Variants in IST1 observed in about 807,000 individuals in gnomAD.
IST1 encodes the protein IST1 homolog.
Under a neutral mutation model 37.0 loss-of-function variants are expected in IST1, and 23 were observed. That is an observed-to-expected ratio of 0.62 (90% CI 0.45 to 0.88). The LOEUF is 0.88. Among genes scored for constraint, IST1 ranks in the 40% least tolerant of loss-of-function variants. The probability of loss-of-function intolerance (pLI) is 0.00; values close to 1 mark genes in which losing one functional copy is unlikely to be tolerated. For synonymous variants in IST1, 180 were observed against 161.7 expected (o/e 1.11, Z -0.86); for missense variants, 488 against 445.4 (o/e 1.10, Z -0.86).
Position 71,916,441 on chromosome 16 carries a change from G to T in IST1, c.89-21G>T, listed in dbSNP as rs201789226. The stretch of plus-strand genomic sequence containing the variant: ...GCAAGTGCTCTACTGCTGTGAGATC[G>T]GAGTGGGATTTGTGTCTTAGCGGAA... On this transcript the variant is annotated intron_variant, in intron 2 of 9. Transcript: ENST00000378799. 3.2e-5 allele frequency: 52 copies of T among 1,610,106 alleles called. No individual in the cohort carries two copies. The Middle Eastern group carries it at 8.9e-4, about 28-fold the overall frequency.
At chr16:71,916,947 T>C in intron 3 of IST1, 100 bp from the exon 4 acceptor site, 1 of 712,120 alleles carries the variant, frequency 1.4e-6, no homozygotes. Context: ...CTAGTGAGAT[T>C]CACAGAATGG....
chr16:71,927,540 TTTA>T, intron 9 of IST1, 71 bp from the exon 10 acceptor site: 2 of 1,114,512 alleles, frequency 1.8e-6, no homozygotes, highest in Admixed American at 4.0e-5. Context: ...TTTTGATCAT[TTTA>T]TTTTTACTGC....
chr16:71,921,912 C>T (rs955054903), intron 6 of IST1: 3 of 184,740 alleles, frequency 1.6e-5, no homozygotes, highest in South Asian at 1.0e-4. Flanking sequence ...CCGAGGCAGG[C>T]GGATCACAAG....
At chr16:71,913,005 A>C (rs1434387266) in intron 1 of IST1, among the ~76,000 whole-genome samples, 1 of 152,204 alleles carries the variant, frequency 6.6e-6, no homozygotes, top group East Asian at 1.9e-4. Context: ...TGAATCCCTC[A>C]GTGGCCATTT....
chr16:71,905,150 C>G (rs2142537130), intron 1 of IST1, among the ~76,000 whole-genome samples: 1 of 152,064 alleles, frequency 6.6e-6, no homozygotes, highest in East Asian at 1.9e-4. Context: ...ATTCTCCCGC[C>G]TCAGCCTCCC....
intron 1 of IST1, among the ~76,000 whole-genome samples, chr16:71,903,874 T>C (rs953026055): frequency 6.6e-6 from 1 of 152,144 alleles, no homozygotes; most frequent in African/African-American, 2.4e-5. Context: ...GGTTGATCAG[T>C]TATGGTGGGA....
intron 1 of IST1, among the ~76,000 whole-genome samples, chr16:71,901,997 A>T (rs749417180): frequency 2.0e-5 from 3 of 152,244 alleles, no homozygotes; most frequent in Non-Finnish European, 2.9e-5. Context: ...CACACAAAAG[A>T]GGCTAGCTAA....
intron 5 of IST1, 154 bp downstream of exon 5, chr16:71,920,976 G>A: frequency 1.4e-6 from 1 of 693,026 alleles, no homozygotes; most frequent in South Asian, 1.5e-5. Context: ...TGGCAGTGTG[G>A]TCCAATCCTT....
At chr16:71,920,951 G>A (rs1005692688) in intron 5 of IST1, 129 bp downstream of exon 5, 6 of 743,464 alleles carry the variant, frequency 8.1e-6, no homozygotes, top group Admixed American at 2.0e-5. Flanking sequence ...GGGGTGAGGA[G>A]GACAGCTGTG....
In IST1 at chr16:71,922,512, T is replaced by A; in HGVS notation, c.591T>A (p.Asp197Glu). 6.2e-7 allele frequency: 1 copy of A among 1,614,178 alleles called. No individual in the cohort carries two copies. Among genetic ancestry groups the A allele is most frequent in the Non-Finnish European group, 8.5e-7 (1 of 1,180,018 alleles). Residue 197 changes from aspartate to glutamate, a missense_variant, in exon 7 of 10, where the codon GAT (aspartate) becomes GAA (glutamate). By Grantham distance (45) the Asp-to-Glu change is conservative. This residue lies in a region of IST1 where 455 missense variants were observed against 386.2 expected (regional missense o/e 1.18). Transcript: ENST00000378799. The stretch of plus-strand genomic sequence containing the variant: ...CTGGGGTAGAGACAGATCTTATTGA[T>A]GTTGGATTCACAGATGATGTGAAGA... ...APPGVETDLI[D>E]VGFTDDVKKG...
chr16:71,918,238 C>G (rs1434262267), intron 4 of IST1, among the ~76,000 whole-genome samples: 1 of 152,160 alleles, frequency 6.6e-6, no homozygotes, highest in African/African-American at 2.4e-5. Context: ...ACATAGAAGA[C>G]TTACACTTAA....
chr16:71,924,673 TG>T, intron 8 of IST1, 95 bp from the exon 9 acceptor site: 3 of 904,532 alleles, frequency 3.3e-6, no homozygotes, highest in Non-Finnish European at 5.6e-6. Context: ...TTGCATTTGG[TG>T]AGCAACTTAA....
intron 1 of IST1, among the ~76,000 whole-genome samples, chr16:71,908,131 A>G (rs1231583443): frequency 6.6e-6 from 1 of 151,170 alleles, no homozygotes; most frequent in Non-Finnish European, 1.5e-5. Flanking sequence ...TTGAGTAGAG[A>G]TGGGGTTTCA....
chr16:71,922,091 G>A (rs1045991967), intron 6 of IST1, among the ~76,000 whole-genome samples: 4 of 152,092 alleles, frequency 2.6e-5, no homozygotes, highest in African/African-American at 9.7e-5. Context: ...GGTGAGCCAA[G>A]ATTGTGCCAC....
chr16:71,909,320 G>A (rs2037299675), intron 1 of IST1, among the ~76,000 whole-genome samples: 1 of 152,074 alleles, frequency 6.6e-6, no homozygotes, highest in South Asian at 2.1e-4. Flanking sequence ...TGCCCAGGCT[G>A]TTCTTGAACA....
intron 9 of IST1, among the ~76,000 whole-genome samples, chr16:71,926,235 T>A (rs1226595210): frequency 6.7e-6 from 1 of 149,994 alleles, no homozygotes; most frequent in Non-Finnish European, 1.5e-5. Context: ...TGAACCAAGA[T>A]TATGCCATTG....
At chr16:71,918,809 A>T (rs2037519820) in intron 4 of IST1, among the ~76,000 whole-genome samples, 1 of 152,208 alleles carries the variant, frequency 6.6e-6, no homozygotes. Context: ...GTGATAAATT[A>T]ATGTGAATAA....
At position 71,919,446 on chromosome 16, in the gene IST1, C is replaced by T. The variant is rs142060541; in HGVS notation, c.358-1293C>T. Among the ~76,000 whole-genome samples, 503 of 152,334 alleles carry T rather than the reference C, an allele frequency of 3.3e-3. 2 individuals carry two copies. The highest frequency in any genetic ancestry group is 0.011 in the African/African-American group (448 of 41,564). On this transcript the variant is annotated intron_variant, in intron 4 of 9. Coordinates refer to ENST00000378799, the MANE Select transcript of IST1 (RefSeq NM_001270975.2). ...TCACCCAGGCTGGAGTGCAGTGGCACGATCTTGCCTCACTGCAGCCTCGGC... is the reference window on the plus strand; with the variant it reads ...TCACCCAGGCTGGAGTGCAGTGGCATGATCTTGCCTCACTGCAGCCTCGGC...
intron 1 of IST1, among the ~76,000 whole-genome samples, chr16:71,907,011 C>A (rs1158010572): frequency 6.6e-6 from 1 of 151,996 alleles, no homozygotes; most frequent in Non-Finnish European, 1.5e-5. Flanking sequence ...GCCTGGGTAA[C>A]AGAGTGAGAC....
Sources: allele counts gnomAD v4.1 joint callset (sites outside exome capture counted in the v4.1 genomes callset), GRCh38; gene constraint gnomAD v4.1.1; regional missense constraint gnomAD v4.1.1; transcripts MANE v1.5; gene names NCBI Gene and HGNC (gene_info 2026-07-23, HGNC 2026-07-21).